Variants in GPM6A observed in about 807,000 individuals in gnomAD.
GPM6A encodes the protein neuronal membrane glycoprotein M6-a.
GPM6A carries 7 observed loss-of-function variants against 32.1 expected under a neutral mutation model. That is an observed-to-expected ratio of 0.22 (90% CI 0.12 to 0.41). GPM6A has a LOEUF of 0.41. GPM6A is among the 10% of genes least tolerant of loss of function. The pLI, the probability that GPM6A is intolerant of heterozygous loss-of-function variation, is 1.00. For synonymous variants in GPM6A, 130 were observed against 123.4 expected (o/e 1.05, Z -0.35); for missense variants, 235 against 347.2 (o/e 0.68, Z 2.57).
chr4:175,851,717 A>C (rs993868962), intron 1 of GPM6A, among the ~76,000 whole-genome samples: 4 of 152,214 alleles, frequency 2.6e-5, no homozygotes, highest in African/African-American at 9.6e-5. Flanking sequence ...ACAATATGCA[A>C]ATCAGTTGTG....
rs765394151 is a variant in GPM6A at position 175,640,804 on chromosome 4, C to A, written c.567G>T (p.Lys189Asn). ...AATTCTCAGAGACAGTACAAATTTT[C>A]TTTTCCTCTCCAATTGTCACAATTC... Reference protein sequence around the residue: ...QFGIVTIGEEKKICTVSENFL... With the variant: ...QFGIVTIGEENKICTVSENFL... Residue 189 changes from lysine (K) to asparagine (N), a missense_variant, in exon 5 of 7, where the codon AAG becomes AAT. Lys to Asn is a moderately conservative substitution (Grantham distance 94). Transcript: ENST00000393658. The A allele has an allele frequency of 1.9e-6, 3 of 1,608,138 alleles. No homozygotes were observed. Among genetic ancestry groups the A allele is most frequent in the Admixed American group, 1.7e-5 (1 of 59,958 alleles).
intron 1 of GPM6A, among the ~76,000 whole-genome samples, chr4:175,750,443 C>T (rs1732286266): frequency 6.6e-6 from 1 of 152,066 alleles, no homozygotes; most frequent in African/African-American, 2.4e-5. Context: ...TTAATGTGTA[C>T]CGGAGCACTC....
Position 175,960,131 on chromosome 4 carries a change from G to A in GPM6A, c.-23+42178C>T, listed in dbSNP as rs1479320522. Among the ~76,000 whole-genome samples the A allele has an allele frequency of 2.0e-5, 3 of 152,142 alleles. No individual in the cohort carries two copies. The East Asian group carries it at 5.8e-4, about 29-fold the overall frequency. On this transcript the variant is annotated intron_variant, in intron 1 of 7. Transcript: ENST00000280187. ...CTACTTTGGAATTTACAAATGTCCT[G>A]ACTTGTTTTCTTAAATAAGCTCCTG...
chr4:175,830,425 A>C (rs893538566), intron 1 of GPM6A, among the ~76,000 whole-genome samples: 1 of 152,198 alleles, frequency 6.6e-6, no homozygotes, highest in African/African-American at 2.4e-5. Flanking sequence ...TGATGTAATA[A>C]TAGTAGCTAA....
chr4:175,971,050 C>T (rs1009415482), intron 1 of GPM6A: 6 of 304,810 alleles, frequency 2.0e-5, no homozygotes, highest in East Asian at 1.1e-4. Context: ...AGGATACAGA[C>T]CCCAGAAAAG....
At chr4:175,739,089 T>C (rs1477301654) in intron 1 of GPM6A, among the ~76,000 whole-genome samples, 1 of 152,198 alleles carries the variant, frequency 6.6e-6, no homozygotes, top group Non-Finnish European at 1.5e-5. Flanking sequence ...TAAAGAAAAC[T>C]ACAGCTGTGC....
rs1740394700 is a variant in GPM6A, at chr4:175,633,073, G to GCACT, written c.*1828_*1831dup. ...GATTAATTGTAATGCCTGCTACAAA[G>GCACT]CACTCTGTGAAAATACAAACTCTAA... On this transcript the variant is annotated 3_prime_UTR_variant, in exon 7 of 7. Coordinates refer to ENST00000393658, the MANE Select transcript of GPM6A (RefSeq NM_201591.3). 6.6e-6 allele frequency: 1 copy of GCACT among 152,434 alleles called. No homozygotes were observed. The highest frequency in any genetic ancestry group is 6.6e-5 in the Admixed American group (1 of 15,258). 9.4% of individuals were successfully genotyped at this position (152,434 alleles called of 1,614,324 possible).
rs868733056 is a variant in GPM6A, at chr4:175,989,525, A to G, written c.-23+12784T>C. Among the ~76,000 whole-genome samples the G allele has an allele frequency of 3.0e-4, 46 of 152,268 alleles. 1 individual carries two copies. In the Middle Eastern group the frequency reaches 0.01, roughly 34 times the overall value. On this transcript the variant is annotated intron_variant, in intron 1 of 7. Transcript: ENST00000280187. ...ATACAAGTATTAAAGTATTAAAAAT[A>G]TGAAAATAAATTTTAATAATGCTAA... is the stretch of plus-strand genomic sequence containing the variant.
chr4:175,984,667 A>G (rs192333307), intron 1 of GPM6A, among the ~76,000 whole-genome samples: 2 of 152,086 alleles, frequency 1.3e-5, no homozygotes, highest in Admixed American at 1.3e-4. Context: ...TATTTTTAAA[A>G]TCCTTCCCTG....
intron 2 of GPM6A, among the ~76,000 whole-genome samples, chr4:175,689,267 T>C (rs1579387469): frequency 1.3e-5 from 2 of 152,196 alleles, no homozygotes; most frequent in African/African-American, 2.4e-5. Flanking sequence ...TTTTGATAAA[T>C]ATAGCTTTAA....
chr4:175,985,546 T>G (rs1199684935), intron 1 of GPM6A, among the ~76,000 whole-genome samples: 2 of 152,206 alleles, frequency 1.3e-5, no homozygotes, highest in African/African-American at 4.8e-5. Context: ...ACCTTTCCAC[T>G]TATATGTTTT....
chr4:175,673,420 AC>A (rs1743190183), intron 3 of GPM6A, among the ~76,000 whole-genome samples: 1 of 151,858 alleles, frequency 6.6e-6, no homozygotes, highest in Non-Finnish European at 1.5e-5. Flanking sequence ...GAAAAAAAAA[AC>A]CATACATCAA....
At position 175,792,588 on chromosome 4, in the gene GPM6A, T is replaced by A. The variant is rs183913694; in HGVS notation, c.37+19603A>T. Among the ~76,000 whole-genome samples, 35 of 152,228 alleles carry A rather than the reference T, an allele frequency of 2.3e-4. 1 individual carries two copies. The East Asian group carries it at 5.4e-3, about 24-fold the overall frequency. On this transcript the variant is annotated intron_variant, in intron 1 of 6. Transcript: ENST00000393658. ...AACAACTAAGTTTACTTAGAATACA[T>A]CCACTGATAATTATAATTGATGAAT...
chr4:175,981,962 G>C (rs1455952870), intron 1 of GPM6A, among the ~76,000 whole-genome samples: 1 of 151,834 alleles, frequency 6.6e-6, no homozygotes, highest in African/African-American at 2.4e-5. Flanking sequence ...ATTCCCATAG[G>C]TGTATTGTGT....
chr4:175,812,140 G>A, intron 1 of GPM6A, 51 bp downstream of exon 1: 1 of 1,383,666 alleles, frequency 7.2e-7, no homozygotes, highest in Non-Finnish European at 1.0e-6. Context: ...AGCAAACAAG[G>A]AAACTGCAAA....
chr4:175,697,599 T>G (rs566811572), intron 2 of GPM6A, among the ~76,000 whole-genome samples: 9 of 152,252 alleles, frequency 5.9e-5, no homozygotes, highest in African/African-American at 2.2e-4. Flanking sequence ...TTTGAGAAAC[T>G]AAGCTGAAAA....
chr4:175,923,246 TAC>T (rs33958519), intron 1 of GPM6A, among the ~76,000 whole-genome samples: 1,073 of 4,242 alleles, frequency 0.25, 13 homozygotes, highest in South Asian at 0.43. Context: ...TATATATATA[TAC>T]ACAACATACA....
exon 1 of GPM6A, chr4:176,002,327 C>T (rs747879391): frequency 8.8e-6 from 14 of 1,590,920 alleles, no homozygotes; most frequent in Non-Finnish European, 1.1e-5. Context: ...CGAGGTCCTG[C>T]TTCTCTGCAG....
chr4:175,703,955 C>T (rs568390330), intron 1 of GPM6A, among the ~76,000 whole-genome samples: 1 of 152,216 alleles, frequency 6.6e-6, no homozygotes, highest in South Asian at 2.1e-4. Flanking sequence ...CAGATAATGA[C>T]TTTTCCTTTT....
Sources: gnomAD v4.1 joint callset for allele counts (sites outside exome capture counted in the v4.1 genomes callset) on GRCh38, gnomAD v4.1.1 for gene constraint, MANE v1.5 for transcripts, NCBI Gene and HGNC (gene_info 2026-07-23, HGNC 2026-07-21) for gene names.